Variants in MBOAT7 observed in about 807,000 individuals in gnomAD.
The protein encoded by MBOAT7 is membrane-bound acylglycerophosphatidylinositol O-acyltransferase MBOAT7.
A neutral mutation model predicts 47.4 loss-of-function variants in MBOAT7; 40 were observed. The ratio of observed to expected loss-of-function variants is 0.84; its 90% CI spans 0.66 to 1.10. The LOEUF (loss-of-function observed/expected upper bound fraction) is 1.10, where lower values mean the gene tolerates loss of function less well. MBOAT7 is among the 50% of genes least tolerant of loss of function. The pLI is 0.00. For missense variants in MBOAT7, 680 were observed against 655.6 expected (o/e 1.04, Z -0.41); for synonymous variants, 361 against 292.0 (o/e 1.24, Z -2.41).
intron 7 of MBOAT7, among the ~76,000 whole-genome samples, chr19:54,176,268 T>A (rs2076105609): frequency 6.6e-6 from 1 of 152,210 alleles, no homozygotes; most frequent in Non-Finnish European, 1.5e-5. Context: ...GAATTACAGA[T>A]GTCAGCCATT....
In MBOAT7 at chr19:54,174,406, C is replaced by T. The variant is rs146285505; in HGVS notation, c.1057G>A (p.Ala353Thr). The change falls in exon 8 of 8, where the codon GCC (alanine) becomes ACC (threonine). Residue 353 changes from alanine to threonine, a missense_variant. Physicochemically the swap from Ala to Thr is moderately conservative, Grantham distance 58. Transcript: ENST00000245615. ...CCCGGGTGGAGGCCGTGCCAGTAGG[C>T]GCTCAGCAGCATGGTCCAGGCGCTC... ...LRSAWTMLLS[A>T]YWHGLHPGYY... is the part of the protein sequence containing the mutation. 1.4e-5 allele frequency: 22 copies of T among 1,590,918 alleles called. No homozygotes were observed. Among genetic ancestry groups the T allele is most frequent in the African/African-American group, 4.0e-5 (3 of 74,116 alleles).
intron 7 of MBOAT7, among the ~76,000 whole-genome samples, chr19:54,176,977 G>A (rs1283282930): frequency 6.6e-6 from 1 of 151,740 alleles, no homozygotes; most frequent in Non-Finnish European, 1.5e-5. Flanking sequence ...ATCCCAGCAC[G>A]TTGGGAGGCC....
chr19:54,178,699 C>A (rs2076178373), intron 7 of MBOAT7, 66 bp downstream of exon 7: 5 of 1,575,364 alleles, frequency 3.2e-6, no homozygotes, highest in South Asian at 1.2e-5. Context: ...ACGCTGCAGG[C>A]TACCCTGGGG....
At chr19:54,177,900 GTTTTTTTTTT>G (rs761565984) in intron 7 of MBOAT7, among the ~76,000 whole-genome samples, 65 of 75,990 alleles carry the variant, frequency 8.6e-4, no homozygotes, top group African/African-American at 1.8e-3. Flanking sequence ...TTCTACTTCT[GTTTTTTTTTT>G]TTTTTTTTTT....
chr19:54,175,896 TG>T (rs1413803404), intron 7 of MBOAT7, among the ~76,000 whole-genome samples: 1 of 152,232 alleles, frequency 6.6e-6, no homozygotes, highest in Non-Finnish European at 1.5e-5. Flanking sequence ...GGCTAATTTT[TG>T]TATTTCTGGT....
At chr19:54,177,323 T>TCG (rs1055402145) in intron 7 of MBOAT7, among the ~76,000 whole-genome samples, 2 of 151,946 alleles carry the variant, frequency 1.3e-5, no homozygotes, top group African/African-American at 2.4e-5. Context: ...TGAGACAGAG[T>TCG]CTCGCTCTGT....
At chr19:54,185,038 C>T (rs2076393725) in intron 4 of MBOAT7, among the ~76,000 whole-genome samples, 1 of 151,304 alleles carries the variant, frequency 6.6e-6, no homozygotes, top group African/African-American at 2.4e-5. Context: ...GGTGAAACCC[C>T]ATCTCTACTA....
Position 54,175,136 on chromosome 19 carries a change from C to A in MBOAT7, c.1032-705G>T, listed in dbSNP as rs554693007. ...GACTACAGGCGCCTGCCACCACGCC[C>A]GGCTAATTTTCTTTTCTATTTTTAG... On this transcript the variant is annotated intron_variant, in intron 7 of 7. Coordinates refer to ENST00000245615, the MANE Select transcript of MBOAT7 (RefSeq NM_024298.5). 4.6e-5 allele frequency among the ~76,000 whole-genome samples: 7 copies of A among 152,108 alleles called. No individual in the cohort carries two copies. In the South Asian group the frequency reaches 1.0e-3, roughly 23 times the overall value.
rs926598101 is a variant in MBOAT7, at chr19:54,173,991, G to A, written c.*53C>T. Reference sequence around the variant, plus strand: ...GACTCTTTCTGGGGAGGAGACAGCAGCCTGGTTCACAGAATTCCCGGGACC... The same window carrying A: ...GACTCTTTCTGGGGAGGAGACAGCAACCTGGTTCACAGAATTCCCGGGACC... On this transcript the variant is annotated 3_prime_UTR_variant, in exon 8 of 8. Transcript: ENST00000245615. The A allele has an allele frequency of 6.6e-7, 1 of 1,519,744 alleles. No individual in the cohort carries two copies. The highest frequency in any genetic ancestry group is 1.4e-5 in the African/African-American group (1 of 71,418). The allele number at this position is 1,519,744 out of a possible 1,614,324, so 94.1% of individuals were successfully genotyped here.
At chr19:54,177,370 A>G (rs1157557153) in intron 7 of MBOAT7, among the ~76,000 whole-genome samples, 1 of 150,864 alleles carries the variant, frequency 6.6e-6, no homozygotes, top group Non-Finnish European at 1.5e-5. Flanking sequence ...ATCTCGGCTC[A>G]CTGCAAGCTC....
intron 4 of MBOAT7, 151 bp from the exon 5 acceptor site, chr19:54,183,831 G>A (rs961903960): frequency 1.8e-5 from 13 of 735,188 alleles, no homozygotes; most frequent in South Asian, 1.7e-4. Context: ...CTAGCTGGGC[G>A]GTGTTCCCCA....
chr19:54,185,896 A>C (rs35944017), intron 4 of MBOAT7, among the ~76,000 whole-genome samples: 27,118 of 150,746 alleles, frequency 0.18, 2,975 homozygotes, highest in Non-Finnish European at 0.24. Context: ...GAGTTTTACC[A>C]TGTTGGCCAG....
chr19:54,186,445 G>A (rs2076429478), intron 4 of MBOAT7, among the ~76,000 whole-genome samples: 1 of 152,184 alleles, frequency 6.6e-6, no homozygotes, highest in Non-Finnish European at 1.5e-5. Flanking sequence ...CTCCAGCCAG[G>A]CCTAGCACGG....
chr19:54,185,214 A>G (rs1190077096), intron 4 of MBOAT7, among the ~76,000 whole-genome samples: 1 of 152,166 alleles, frequency 6.6e-6, no homozygotes, highest in Non-Finnish European at 1.5e-5. Flanking sequence ...TTAAAAATAA[A>G]TAACATTTAA....
chr19:54,183,477 C>T, intron 5 of MBOAT7, 44 bp downstream of exon 5: 1 of 1,591,154 alleles, frequency 6.3e-7, no homozygotes, highest in Non-Finnish European at 8.5e-7. Context: ...CGGAAGGGGA[C>T]ACAGGAGACA....
rs1381848987 is a variant in MBOAT7, at chr19:54,181,112, G to C, written c.515C>G (p.Thr172Ser). The change falls in exon 6 of 8, where the codon ACC (threonine) becomes AGC (serine). Residue 172 changes from threonine (T) to serine (S), a missense_variant. Physicochemically the swap from Thr to Ser is moderately conservative, Grantham distance 58. Transcript: ENST00000245615. ...GGGCTGCTCCAGCCAGTCCAGGTAGGTGCGGTAGCGGAAGAACGGGCCTGT... is the reference window on the plus strand; with the variant it reads ...GGGCTGCTCCAGCCAGTCCAGGTAGCTGCGGTAGCGGAAGAACGGGCCTGT... The part of the protein sequence containing the change: ...IMTGPFFRYR[T>S]YLDWLEQPFP... The C allele has an allele frequency of 4.4e-5, 65 of 1,486,984 alleles. No individual in the cohort carries two copies. The highest frequency in any genetic ancestry group is 5.6e-5 in the African/African-American group (4 of 71,170). The allele number at this position is 1,486,984 out of a possible 1,614,324, so 92.1% of individuals were successfully genotyped here.
chr19:54,174,568 C>T, intron 7 of MBOAT7, 137 bp from the exon 8 acceptor site: 1 of 849,046 alleles, frequency 1.2e-6, no homozygotes, highest in Non-Finnish European at 1.7e-6. Context: ...TCCCTCAGAC[C>T]CAGGAGTCCA....
At chr19:54,174,906 AT>A (rs1225111689) in intron 7 of MBOAT7, among the ~76,000 whole-genome samples, 1 of 151,566 alleles carries the variant, frequency 6.6e-6, no homozygotes, top group Non-Finnish European at 1.5e-5. Context: ...TTCTTTAAAG[AT>A]TTAACATTTT....
rs746065377 is a variant in MBOAT7, at chr19:54,174,142, G to A, written c.1321C>T (p.Leu441=). 5.6e-6 allele frequency: 9 copies of A among 1,599,294 alleles called. No individual in the cohort carries two copies. The highest frequency in any genetic ancestry group is 7.7e-6 in the Non-Finnish European group (9 of 1,173,680). The part of the protein sequence containing the change: ...FCIHFLALAA[L]GLGLALGGGS... ...CCACCTAAAGCCAGCCCCAGCCCCA[G>A]GGCTGCCAGGGCCAGGAAGTGGATA... is the stretch of plus-strand genomic sequence containing the variant. Residue 441 remains leucine, a synonymous_variant, in exon 8 of 8, where the codon CTG becomes TTG. Transcript: ENST00000245615.
Sources: allele counts gnomAD v4.1 joint callset (sites outside exome capture counted in the v4.1 genomes callset), GRCh38; gene constraint gnomAD v4.1.1; transcripts MANE v1.5; gene names NCBI Gene and HGNC (gene_info 2026-07-23, HGNC 2026-07-21).